The following GAPVD1 variants were observed in gnomAD, a reference collection of about 807,000 sequenced individuals.
GAPVD1 encodes GTPase activating protein and VPS9 domains 1.
In GAPVD1, 35 loss-of-function variants were observed where a neutral mutation model predicts 155.5. The observed-to-expected ratio is 0.23, with a 90% CI of 0.17 to 0.30. The LOEUF is 0.30. Among genes scored for constraint, GAPVD1 ranks in the 10% least tolerant of loss-of-function variants. The pLI is 1.00. For missense variants in GAPVD1, 1,429 were observed against 1,775.7 expected, an observed-to-expected ratio of 0.80 and a Z score of 3.51; for synonymous variants, 636 against 619.7, an observed-to-expected ratio of 1.03 and a Z score of -0.39.
At chr9:125,352,515 G>A (rs1458979763) in intron 23 of GAPVD1, among the ~76,000 whole-genome samples, 1 of 152,236 alleles carries the variant, frequency 6.6e-6, no homozygotes, top group Non-Finnish European at 1.5e-5. Context: ...GGCTAGAGCG[G>A]CCGGAGGGCA....
In GAPVD1 at chr9:125,354,658, A is replaced by C; in HGVS notation, c.3574A>C (p.Arg1192=). The change falls in exon 24 of 28, where the codon AGA becomes CGA. Residue 1192 remains arginine, a synonymous_variant. Coordinates refer to ENST00000297933, the MANE Select transcript of GAPVD1 (RefSeq NM_001282680.3). ...LASIAEDYRK[R]APYIAYLTRC... is the part of the protein sequence containing the mutation. ...GCAAAGTATTTTTCCTTTTAGAAAA[A>C]GAGCCCCATATATTGCTTATCTCAC... 1 of 1,605,154 alleles carries C rather than the reference A, an allele frequency of 6.2e-7. No individual in the cohort carries two copies. Among genetic ancestry groups the C allele is most frequent in the Non-Finnish European group, 8.5e-7 (1 of 1,172,996 alleles).
In GAPVD1 at chr9:125,349,496, G is replaced by A. The variant is rs148700558; in HGVS notation, c.3276G>A (p.Pro1092=). The A allele has an allele frequency of 2.6e-4, 426 of 1,613,768 alleles. 1 individual carries two copies. Among genetic ancestry groups the A allele is most frequent in the Non-Finnish European group, 6.5e-5 (77 of 1,179,854 alleles). ...ACTCTGCAAGCCAAGCAGCCCACCC[G>A]CAGGATTCAGCTTTCTCTTACAGGT... ...LPDSASQAAH[P]QDSAFSYRDA... Residue 1092 remains proline (P), a synonymous_variant, in exon 21 of 28, where the codon CCG becomes CCA. Transcript: ENST00000297933.
chr9:125,274,997 C>T (rs1168831081), intron 2 of GAPVD1, among the ~76,000 whole-genome samples: 12 of 152,114 alleles, frequency 7.9e-5, no homozygotes, highest in African/African-American at 2.9e-4. Context: ...CTGCAGTTTG[C>T]TCTTTTCGCT....
intron 13 of GAPVD1, among the ~76,000 whole-genome samples, chr9:125,331,261 T>C (rs1331167582): frequency 6.6e-6 from 1 of 151,742 alleles, no homozygotes; most frequent in Non-Finnish European, 1.5e-5. Context: ...AGTGCAGTGG[T>C]GCAATCACGG....
intron 20 of GAPVD1, among the ~76,000 whole-genome samples, chr9:125,347,794 C>A (rs1410034489): frequency 6.6e-6 from 1 of 151,950 alleles, no homozygotes; most frequent in African/African-American, 2.4e-5. Flanking sequence ...TAGAGTATCT[C>A]CTGGAAGAAT....
intron 2 of GAPVD1, among the ~76,000 whole-genome samples, chr9:125,293,901 T>TAA (rs1839387713): frequency 8.7e-6 from 1 of 115,104 alleles, no homozygotes; most frequent in African/African-American, 3.1e-5. Flanking sequence ...TATATATATA[T>TAA]ATAAGTTTTT....
chr9:125,286,008 A>G (rs1010544722), intron 2 of GAPVD1, among the ~76,000 whole-genome samples: 12 of 151,790 alleles, frequency 7.9e-5, no homozygotes, highest in African/African-American at 2.9e-4. Context: ...GGGTTTTGCC[A>G]TGTTTCCCAG....
In GAPVD1 at chr9:125,346,950, C is replaced by T; in HGVS notation, c.3169+9C>T. ...AAACTATGAAAGTACAGGTGATAATCATGACAGAGATTTGAGTAGTAAACT... is the reference window on the plus strand; with the variant it reads ...AAACTATGAAAGTACAGGTGATAATTATGACAGAGATTTGAGTAGTAAACT... On this transcript the variant is annotated intron_variant, in intron 20 of 27. Coordinates refer to ENST00000297933, the MANE Select transcript of GAPVD1 (RefSeq NM_001282680.3). 1 of 1,611,890 alleles carries T rather than the reference C, an allele frequency of 6.2e-7. No individual in the cohort carries two copies. The highest frequency in any genetic ancestry group is 8.5e-7 in the Non-Finnish European group (1 of 1,177,990).
intron 1 of GAPVD1, among the ~76,000 whole-genome samples, chr9:125,267,649 A>G (rs1420897249): frequency 6.6e-6 from 1 of 151,814 alleles, no homozygotes; most frequent in Admixed American, 6.6e-5. Context: ...CCTCAGGTGA[A>G]CTGCCCGCTT....
rs1846719001 is a variant in GAPVD1, at chr9:125,335,251, T to A, written c.2429-1767T>A. ...CAGACATGAGAATCCAGCTGTCTTCTAGTAAGCTGTACATTAAAAATACTT... is the reference window on the plus strand; with the variant it reads ...CAGACATGAGAATCCAGCTGTCTTCAAGTAAGCTGTACATTAAAAATACTT... On this transcript the variant is annotated intron_variant, in intron 15 of 27. Coordinates refer to ENST00000297933, the MANE Select transcript of GAPVD1 (RefSeq NM_001282680.3). The A allele has an allele frequency of 6.6e-6, 5 of 753,486 alleles. No individual in the cohort carries two copies. In the East Asian group the frequency reaches 1.2e-4, roughly 19 times the overall value. 46.7% of individuals were successfully genotyped at this position (753,486 alleles called of 1,614,324 possible).
intron 4 of GAPVD1, among the ~76,000 whole-genome samples, chr9:125,300,024 A>C (rs1461869198): frequency 4.7e-4 from 1 of 2,142 alleles, no homozygotes; most frequent in Non-Finnish European, 1.2e-3. Flanking sequence ...GTCTCAAAAG[A>C]AAAAAAAAAA....
In GAPVD1 at chr9:125,298,946, C is replaced by T; in HGVS notation, c.25C>T (p.Leu9=). Residue 9 remains leucine (L), a synonymous_variant, in exon 4 of 28, where the codon CTG becomes TTG. Coordinates refer to ENST00000297933, the MANE Select transcript of GAPVD1 (RefSeq NM_001282680.3). ...GATGGTGAAACTAGATATTCATACTCTGGCTCATCACCTCAAGCAGGAACG... is the reference window on the plus strand; with the variant it reads ...GATGGTGAAACTAGATATTCATACTTTGGCTCATCACCTCAAGCAGGAACG... MVKLDIHT[L]AHHLKQERLY... The T allele has an allele frequency of 6.2e-7, 1 of 1,608,860 alleles. No individual in the cohort carries two copies. Among genetic ancestry groups the T allele is most frequent in the Non-Finnish European group, 8.5e-7 (1 of 1,177,752 alleles).
intron 9 of GAPVD1, among the ~76,000 whole-genome samples, chr9:125,318,402 T>C (rs1843756678): frequency 1.3e-5 from 2 of 152,262 alleles, no homozygotes; most frequent in South Asian, 4.1e-4. Flanking sequence ...GTGTATTTTG[T>C]ATTTTATACT....
intron 9 of GAPVD1, among the ~76,000 whole-genome samples, chr9:125,316,203 T>A (rs767345522): frequency 3.5e-4 from 53 of 152,228 alleles, no homozygotes; most frequent in Non-Finnish European, 6.8e-4. Context: ...GTTTATTTTT[T>A]ATTTTAATTT....
chr9:125,273,895 A>C (rs1307993709), intron 2 of GAPVD1, among the ~76,000 whole-genome samples: 1 of 152,094 alleles, frequency 6.6e-6, no homozygotes, highest in African/African-American at 2.4e-5. Context: ...GAGGTTTCCA[A>C]GAAAATGGCG....
chr9:125,294,652 GT>G (rs34715258), intron 2 of GAPVD1, among the ~76,000 whole-genome samples: 7,119 of 135,064 alleles, frequency 0.053, 348 homozygotes, highest in East Asian at 0.13. Flanking sequence ...AGCTAAAATG[GT>G]TTTTTTTTTT....
At chr9:125,306,123 C>T (rs1199312981) in intron 6 of GAPVD1, among the ~76,000 whole-genome samples, 1 of 151,948 alleles carries the variant, frequency 6.6e-6, no homozygotes. Context: ...CATCTCTAGT[C>T]TTCATTCCCT....
intron 2 of GAPVD1, among the ~76,000 whole-genome samples, chr9:125,280,806 A>T (rs1836671584): frequency 6.6e-6 from 1 of 151,670 alleles, no homozygotes; most frequent in Non-Finnish European, 1.5e-5. Flanking sequence ...CAATCTCCTG[A>T]CCTTGTGATC....
rs1334100241 is a variant in GAPVD1 at position 125,366,199 on chromosome 9, C to G, written c.*3453C>G. 6.6e-6 allele frequency: 1 copy of G among 152,146 alleles called. No individual in the cohort carries two copies. Among genetic ancestry groups the G allele is most frequent in the South Asian group, 2.1e-4 (1 of 4,832 alleles). 9.4% of individuals were successfully genotyped at this position (152,146 alleles called of 1,614,324 possible). ...TAAAGTGGGCTTTACAAATGTGTCC[C>G]TGAGGTGCGTGAGCAAGAGAACAAT... On this transcript the variant is annotated 3_prime_UTR_variant, in exon 28 of 28. Transcript: ENST00000297933.
Sources: gnomAD v4.1 joint callset for allele counts (sites outside exome capture counted in the v4.1 genomes callset) on GRCh38, gnomAD v4.1.1 for gene constraint, MANE v1.5 for transcripts, NCBI Gene and HGNC (gene_info 2026-07-23, HGNC 2026-07-21) for gene names.